FHIP1A: variants seen among roughly 807,000 people sequenced by gnomAD.
FHIP1A encodes FHF complex subunit HOOK-interacting protein 1A.
Under a neutral mutation model 88.6 loss-of-function variants are expected in FHIP1A, and 61 were observed. That is an observed-to-expected ratio of 0.69 (90% CI 0.56 to 0.85). The LOEUF (loss-of-function observed/expected upper bound fraction) is 0.85. Ranked by LOEUF, FHIP1A falls within the 40% of genes least tolerant of loss-of-function variation. FHIP1A has a pLI of 0.00. For synonymous variants in FHIP1A, 478 were observed against 496.0 expected (o/e 0.96, Z 0.48); for missense variants, 1,154 against 1,273.5 (o/e 0.91, Z 1.43).
chr4:151,504,036 A>G (rs1730741873), intron 3 of FHIP1A, among the ~76,000 whole-genome samples: 1 of 152,236 alleles, frequency 6.6e-6, no homozygotes, highest in African/African-American at 2.4e-5. Context: ...TGTACAAACA[A>G]TAGCCCAAAG....
rs1479659734 is a variant in FHIP1A, at chr4:151,667,458, T to C, written c.*4704T>C. The C allele has an allele frequency of 1.3e-5, 2 of 152,356 alleles. No individual in the cohort carries two copies. Among genetic ancestry groups the C allele is most frequent in the East Asian group, 3.9e-4 (2 of 5,186 alleles). 9.4% of individuals were successfully genotyped at this position (152,356 alleles called of 1,614,324 possible). On this transcript the variant is annotated 3_prime_UTR_variant, in exon 14 of 14. Transcript: ENST00000435205. ...GAAAGAGCTCTCAGAAGACTGAGAA[T>C]GGTTTTTAGGATAATTTTGCCTCAG...
At chr4:151,653,441 C>T (rs1327298451) in intron 11 of FHIP1A, among the ~76,000 whole-genome samples, 2 of 151,964 alleles carry the variant, frequency 1.3e-5, no homozygotes. Flanking sequence ...AGCACTGGAA[C>T]AGGTGGTATG....
intron 1 of FHIP1A, among the ~76,000 whole-genome samples, chr4:151,430,822 G>A (rs956478586): frequency 5.3e-5 from 8 of 152,092 alleles, no homozygotes; most frequent in Non-Finnish European, 8.8e-5. Flanking sequence ...TATAGTAGAC[G>A]GCTCTGTAAG....
chr4:151,471,228 A>G (rs1729498077), intron 2 of FHIP1A, among the ~76,000 whole-genome samples: 1 of 151,300 alleles, frequency 6.6e-6, no homozygotes. Context: ...GAAGCAAAGC[A>G]GTTCTCTAGA....
rs80236882 is a variant in FHIP1A at position 151,550,558 on chromosome 4, C to T, written c.-122-15580C>T. Among the ~76,000 whole-genome samples the T allele has an allele frequency of 5.3e-3, 808 of 152,276 alleles. 6 individuals carry two copies. The highest frequency in any genetic ancestry group is 0.019 in the African/African-American group (786 of 41,546). ...GGAATATTAGAAAATATTGATTGAACTTACTGAAACAGCTGTGGTGTGTTT... is the reference window on the plus strand; with the variant it reads ...GGAATATTAGAAAATATTGATTGAATTTACTGAAACAGCTGTGGTGTGTTT... On this transcript the variant is annotated intron_variant, in intron 3 of 13. Transcript: ENST00000435205.
chr4:151,599,867 T>A (rs961805185), intron 7 of FHIP1A, among the ~76,000 whole-genome samples: 4 of 152,206 alleles, frequency 2.6e-5, no homozygotes, highest in Non-Finnish European at 5.9e-5. Context: ...GAGACCTCTT[T>A]CCTGGTGTAC....
rs567850476 is a variant in FHIP1A, at chr4:151,481,055, G to T, written c.-247-1469G>T. The stretch of plus-strand genomic sequence containing the variant: ...CATGGCTATATAGAGATTTCAAAAA[G>T]ACATATTTGTTTTACAGGACTCTGA... On this transcript the variant is annotated intron_variant, in intron 2 of 13. Transcript: ENST00000435205. 5.9e-5 allele frequency among the ~76,000 whole-genome samples: 9 copies of T among 152,070 alleles called. No individual in the cohort carries two copies. The South Asian group carries it at 1.9e-3, about 31-fold the overall frequency.
chr4:151,569,893 C>T (rs934535962), intron 4 of FHIP1A, among the ~76,000 whole-genome samples: 2 of 152,178 alleles, frequency 1.3e-5, no homozygotes, highest in African/African-American at 4.8e-5. Flanking sequence ...CCAGTGATCT[C>T]ATGGCATCCC....
In FHIP1A at chr4:151,577,623, C is replaced by A; in HGVS notation, c.279C>A (p.Val93=). 1 of 1,551,832 alleles carries A rather than the reference C, an allele frequency of 6.4e-7. No individual in the cohort carries two copies. Among genetic ancestry groups the A allele is most frequent in the Non-Finnish European group, 8.7e-7 (1 of 1,147,010 alleles). The change falls in exon 5 of 14, where the codon GTC becomes GTA. Residue 93 remains valine (V), a synonymous_variant. Coordinates refer to ENST00000435205, the MANE Select transcript of FHIP1A (RefSeq NM_001109977.3). ...TGGGGCCGATTCTGGAATTTGTGGTCTCTGAGAACATCATGGAGAAACTTT... is the reference window on the plus strand; with the variant it reads ...TGGGGCCGATTCTGGAATTTGTGGTATCTGAGAACATCATGGAGAAACTTT... ...AAMGPILEFV[V]SENIMEKLFL... is the part of the protein sequence containing the mutation.
chr4:151,512,346 A>G (rs1202395505), intron 3 of FHIP1A, among the ~76,000 whole-genome samples: 1 of 152,206 alleles, frequency 6.6e-6, no homozygotes, highest in Admixed American at 6.5e-5. Context: ...GAAAAAACAG[A>G]GCGGAAAAAA....
intron 1 of FHIP1A, among the ~76,000 whole-genome samples, chr4:151,426,057 C>T (rs1403734933): frequency 1.3e-5 from 2 of 152,054 alleles, no homozygotes; most frequent in Non-Finnish European, 2.9e-5. Flanking sequence ...CGTAATTTTT[C>T]TGCCTATCTT....
At chr4:151,454,181 T>C (rs1728892033) in intron 1 of FHIP1A, among the ~76,000 whole-genome samples, 1 of 152,204 alleles carries the variant, frequency 6.6e-6, no homozygotes, top group South Asian at 2.1e-4. Flanking sequence ...AAAATATGGG[T>C]TTTTAATTAT....
chr4:151,655,160 T>G (rs1363116386), intron 11 of FHIP1A, among the ~76,000 whole-genome samples: 1 of 152,246 alleles, frequency 6.6e-6, no homozygotes, highest in Non-Finnish European at 1.5e-5. Context: ...AGGCATGGCT[T>G]ATATATCAAG....
intron 2 of FHIP1A, among the ~76,000 whole-genome samples, chr4:151,476,118 C>T (rs1032296222): frequency 1.3e-5 from 2 of 151,010 alleles, no homozygotes; most frequent in Non-Finnish European, 2.9e-5. Flanking sequence ...CCTTGGCCTC[C>T]CAAAGTGCTG....
At chr4:151,508,169 T>C (rs1730899768) in intron 3 of FHIP1A, among the ~76,000 whole-genome samples, 1 of 152,256 alleles carries the variant, frequency 6.6e-6, no homozygotes, top group African/African-American at 2.4e-5. Context: ...CAGAATTTTA[T>C]GTGGCTCTGT....
rs749385428 is a variant in FHIP1A at position 151,520,403 on chromosome 4, A to G, written c.-123+37755A>G. Reference sequence around the variant, plus strand: ...CTGTTTCTGTGACTCTTTCTGTTCTATTGATCTACTTTGATTATTTTGGTC... The same window carrying G: ...CTGTTTCTGTGACTCTTTCTGTTCTGTTGATCTACTTTGATTATTTTGGTC... On this transcript the variant is annotated intron_variant, in intron 3 of 13. Transcript: ENST00000435205. Among the ~76,000 whole-genome samples the G allele has an allele frequency of 6.6e-5, 10 of 152,044 alleles. No homozygotes were observed. The East Asian group carries it at 1.5e-3, about 23-fold the overall frequency.
chr4:151,593,510 AT>A (rs769631637), intron 7 of FHIP1A, among the ~76,000 whole-genome samples: 1 of 151,432 alleles, frequency 6.6e-6, no homozygotes. Context: ...TAGATATTTT[AT>A]TTTTTTTGTA....
intron 3 of FHIP1A, among the ~76,000 whole-genome samples, chr4:151,549,489 TA>T (rs57072592): frequency 2.9e-3 from 329 of 112,708 alleles, no homozygotes; most frequent in African/African-American, 6.6e-3. Flanking sequence ...AGACTCTGTC[TA>T]AAAAAAAAAA....
intron 1 of FHIP1A, among the ~76,000 whole-genome samples, chr4:151,415,348 G>A (rs971055600): frequency 1.3e-5 from 2 of 151,964 alleles, no homozygotes; most frequent in African/African-American, 2.4e-5. Context: ...CACCATGTCT[G>A]GCTAATTCTT....
Sources: gnomAD v4.1 joint callset for allele counts (sites outside exome capture counted in the v4.1 genomes callset) on GRCh38, gnomAD v4.1.1 for gene constraint, MANE v1.5 for transcripts, NCBI Gene and HGNC (gene_info 2026-07-23, HGNC 2026-07-21) for gene names.